Variants in TLCD4 observed in about 807,000 individuals in gnomAD.
TLCD4 encodes the protein TLC domain-containing protein 4.
A neutral mutation model predicts 24.2 loss-of-function variants in TLCD4; 7 were observed. The observed-to-expected ratio is 0.29, with a 90% confidence interval of 0.16 to 0.54. The LOEUF (loss-of-function observed/expected upper bound fraction) is 0.54, where lower values mean the gene tolerates loss of function less well. Among genes scored for constraint, TLCD4 ranks in the 20% least tolerant of loss-of-function variants. TLCD4 has a pLI of 0.95. For missense variants in TLCD4, 259 were observed against 313.9 expected (o/e 0.82, Z 1.32); for synonymous variants, 103 against 106.4 (o/e 0.97, Z 0.20).
chr1:95,095,252 A>C, the TLCD4 span, among the ~76,000 whole-genome samples: 2 of 152,188 alleles, frequency 1.3e-5, no homozygotes. Flanking sequence ...AAGGAGGTCA[A>C]AAACAGACAT....
At chr1:95,162,557 G>C (rs572564042) in intron 5 of TLCD4, among the ~76,000 whole-genome samples, 117 of 152,244 alleles carry the variant, frequency 7.7e-4, no homozygotes, top group African/African-American at 2.8e-3. Context: ...ATGTTAGCTG[G>C]TTATTTTGCC....
At chr1:95,137,413 G>C (rs547746102) in intron 1 of TLCD4, among the ~76,000 whole-genome samples, 148 of 152,282 alleles carry the variant, frequency 9.7e-4, no homozygotes, top group Non-Finnish European at 1.8e-3. Context: ...CACTCCAGCA[G>C]TGGTTCTCAC....
chr1:95,172,698 A>G (rs575876812), intron 5 of TLCD4, among the ~76,000 whole-genome samples: 4 of 152,336 alleles, frequency 2.6e-5, no homozygotes, highest in African/African-American at 7.2e-5. Context: ...ATTTTCACGA[A>G]TAAATACTAA....
At chr1:95,179,431 G>A (rs1678557675) in intron 6 of TLCD4, among the ~76,000 whole-genome samples, 1 of 152,182 alleles carries the variant, frequency 6.6e-6, no homozygotes, top group South Asian at 2.1e-4. Flanking sequence ...TGCCATGATT[G>A]CTTTAACTCT....
At chr1:95,111,539 G>A in the TLCD4 span, among the ~76,000 whole-genome samples, 1 of 152,110 alleles carries the variant, frequency 6.6e-6, no homozygotes, top group African/African-American at 2.4e-5. Flanking sequence ...AAGCCACAAG[G>A]AAAAAGGGAA....
chr1:95,126,217 A>G (rs1167457012), intron 1 of TLCD4, among the ~76,000 whole-genome samples: 1 of 152,028 alleles, frequency 6.6e-6, no homozygotes, highest in East Asian at 1.9e-4. Flanking sequence ...ACTTGAGGTC[A>G]GGAGTTTAAG....
At chr1:95,159,108 G>A (rs1018715253) in intron 5 of TLCD4, among the ~76,000 whole-genome samples, 4 of 152,122 alleles carry the variant, frequency 2.6e-5, no homozygotes, top group Non-Finnish European at 4.4e-5. Context: ...GGTTGAACTA[G>A]TTTACACTCC....
intron 1 of TLCD4, among the ~76,000 whole-genome samples, chr1:95,123,671 A>T (rs144244432): frequency 1.8e-4 from 27 of 152,328 alleles, no homozygotes; most frequent in Non-Finnish European, 3.5e-4. Context: ...TTCTCTACAA[A>T]TGGCAAAATG....
chr1:95,155,189 T>C (rs915912029), intron 5 of TLCD4, among the ~76,000 whole-genome samples: 1 of 152,026 alleles, frequency 6.6e-6, no homozygotes, highest in Non-Finnish European at 1.5e-5. Flanking sequence ...CACTCTTAGC[T>C]GGTAGAAAAA....
chr1:95,099,857 T>G, the TLCD4 span, among the ~76,000 whole-genome samples: 2 of 151,844 alleles, frequency 1.3e-5, no homozygotes, highest in South Asian at 4.2e-4. Context: ...TTTGGTCAGG[T>G]ACGGTGGCTC....
intron 1 of TLCD4, among the ~76,000 whole-genome samples, chr1:95,135,726 G>T (rs1208631138): frequency 5.3e-5 from 8 of 151,576 alleles, no homozygotes; most frequent in Admixed American, 5.3e-4. Flanking sequence ...TTCAAGGAAT[G>T]CTCTCAAGTT....
the TLCD4 span, among the ~76,000 whole-genome samples, chr1:95,108,289 CTTT>C: frequency 6.6e-6 from 1 of 152,066 alleles, no homozygotes; most frequent in Non-Finnish European, 1.5e-5. Context: ...TCTTTTATGG[CTTT>C]TAGATTTTGA....
At chr1:95,191,103 A>G (rs946720412) in intron 6 of TLCD4, among the ~76,000 whole-genome samples, 1 of 152,038 alleles carries the variant, frequency 6.6e-6, no homozygotes, top group Admixed American at 6.6e-5. Flanking sequence ...ATAGTTTTGC[A>G]TTTTACATTT....
chr1:95,121,410 C>T (rs1025741990), intron 1 of TLCD4, among the ~76,000 whole-genome samples: 6 of 152,136 alleles, frequency 3.9e-5, no homozygotes, highest in African/African-American at 1.4e-4. Flanking sequence ...GTTTTGAAAC[C>T]CCATTTGCTG....
the TLCD4 span, among the ~76,000 whole-genome samples, chr1:95,110,913 G>C: frequency 1.3e-5 from 2 of 150,684 alleles, no homozygotes; most frequent in South Asian, 4.2e-4. Flanking sequence ...CATATAAACT[G>C]GTGATTGATA....
At chr1:95,107,751 A>T in the TLCD4 span, among the ~76,000 whole-genome samples, 1 of 152,302 alleles carries the variant, frequency 6.6e-6, no homozygotes, top group African/African-American at 2.4e-5. Context: ...CATGTTTCAA[A>T]ACAGTAAGCA....
At chr1:95,171,110 A>T (rs1678203116) in intron 5 of TLCD4, among the ~76,000 whole-genome samples, 1 of 151,790 alleles carries the variant, frequency 6.6e-6, no homozygotes, top group South Asian at 2.1e-4. Flanking sequence ...TGAATTATTT[A>T]TTTGTTATTT....
intron 5 of TLCD4, among the ~76,000 whole-genome samples, chr1:95,155,750 GTTTTT>G (rs35423088): frequency 7.0e-6 from 1 of 143,834 alleles, no homozygotes; most frequent in Non-Finnish European, 1.5e-5. Context: ...ACTCACAGAG[GTTTTT>G]TTTTTTTTTT....
chr1:95,155,983 T>C (rs1677622534), intron 5 of TLCD4, among the ~76,000 whole-genome samples: 1 of 151,992 alleles, frequency 6.6e-6, no homozygotes, highest in Admixed American at 6.6e-5. Context: ...AATGGAAAGA[T>C]CATTGTGTTA....
Sources: gnomAD v4.1 joint callset for allele counts (sites outside exome capture counted in the v4.1 genomes callset) on GRCh38, gnomAD v4.1.1 for gene constraint, MANE v1.5 for transcripts, NCBI Gene and HGNC (gene_info 2026-07-23, HGNC 2026-07-21) for gene names.